The following FILIP1L variants were observed in gnomAD, a reference collection of about 807,000 sequenced individuals.
FILIP1L encodes filamin A interacting protein 1 like.
In FILIP1L, 55 loss-of-function variants were observed where a neutral mutation model predicts 96.6. The ratio of observed to expected loss-of-function variants is 0.57; its 90% CI spans 0.46 to 0.71. The LOEUF (loss-of-function observed/expected upper bound fraction) is 0.71, where lower values mean the gene tolerates loss of function less well. FILIP1L is among the 30% of genes least tolerant of loss of function. FILIP1L has a pLI of 0.00. For missense variants in FILIP1L, 1,304 were observed against 1,321.2 expected (o/e 0.99, Z 0.20); for synonymous variants, 467 against 473.9 (o/e 0.99, Z 0.19).
At chr3:99,851,570 A>T (rs1476608817) in intron 4 of FILIP1L, among the ~76,000 whole-genome samples, 1 of 152,250 alleles carries the variant, frequency 6.6e-6, no homozygotes, top group Non-Finnish European at 1.5e-5. Context: ...GCGGTAATTC[A>T]TCTAAGATTC....
intron 1 of FILIP1L, among the ~76,000 whole-genome samples, chr3:99,943,029 C>T (rs1292296535): frequency 3.3e-5 from 5 of 152,116 alleles, no homozygotes; most frequent in Non-Finnish European, 7.4e-5. Flanking sequence ...CTCATTTTAA[C>T]AACATTACCA....
rs115824987 is a variant in FILIP1L at position 99,875,948 on chromosome 3, G to T, written c.606-24878C>A. The T allele has an allele frequency of 5.0e-6, 3 of 605,646 alleles. No homozygotes were observed. The African/African-American group carries it at 6.0e-5, about 12-fold the overall frequency. 37.5% of individuals were successfully genotyped at this position (605,646 alleles called of 1,614,324 possible). A position where few individuals can be genotyped will look rare whatever the true frequency, so the allele number is the denominator to read the frequency against. On this transcript the variant is annotated intron_variant, in intron 4 of 5. Coordinates refer to ENST00000477258, the MANE Select transcript of FILIP1L (RefSeq NM_001387850.1). Reference sequence around the variant, plus strand: ...TTTGAACCTAGAATTCATTGGATGCGCTTTGCGAAACCTGTCTGCAGTTTG... The same window carrying T: ...TTTGAACCTAGAATTCATTGGATGCTCTTTGCGAAACCTGTCTGCAGTTTG...
chr3:100,044,780 A>C (rs1249442694), intron 1 of FILIP1L, among the ~76,000 whole-genome samples: 1 of 152,212 alleles, frequency 6.6e-6, no homozygotes, highest in African/African-American at 2.4e-5. Flanking sequence ...ACCAATGTGA[A>C]AAAGGCTGGT....
chr3:99,959,081 A>G (rs564842071), intron 1 of FILIP1L, among the ~76,000 whole-genome samples: 1 of 152,302 alleles, frequency 6.6e-6, no homozygotes, highest in South Asian at 2.1e-4. Context: ...ACACATCAGG[A>G]TATGATGGTA....
intron 1 of FILIP1L, among the ~76,000 whole-genome samples, chr3:100,081,488 A>C (rs531527527): frequency 3.3e-5 from 5 of 152,250 alleles, no homozygotes; most frequent in Non-Finnish European, 5.9e-5. Flanking sequence ...CTTATCTTCC[A>C]TGTATACTTA....
chr3:100,000,654 A>G (rs1001096200), intron 1 of FILIP1L, among the ~76,000 whole-genome samples: 3 of 152,236 alleles, frequency 2.0e-5, no homozygotes, highest in African/African-American at 4.8e-5. Flanking sequence ...GTTCAAGGCC[A>G]GAGTGAGCTA....
chr3:99,831,208 T>G (rs1344056031), intron 5 of FILIP1L, among the ~76,000 whole-genome samples: 1 of 152,224 alleles, frequency 6.6e-6, no homozygotes, highest in African/African-American at 2.4e-5. Flanking sequence ...ATAGTATAAT[T>G]ATGACAACAT....
chr3:99,986,349 G>A (rs1390238699), intron 1 of FILIP1L, among the ~76,000 whole-genome samples: 1 of 152,144 alleles, frequency 6.6e-6, no homozygotes. Flanking sequence ...ACATATCATT[G>A]TAAAATAAAG....
At chr3:99,936,122 G>A (rs1445159164) in intron 1 of FILIP1L, among the ~76,000 whole-genome samples, 1 of 152,082 alleles carries the variant, frequency 6.6e-6, no homozygotes, top group African/African-American at 2.4e-5. Context: ...AATTGTGGAT[G>A]TGACTAGAGG....
intron 1 of FILIP1L, among the ~76,000 whole-genome samples, chr3:99,989,684 AT>A (rs201683932): frequency 4.1e-4 from 24 of 58,388 alleles, no homozygotes; most frequent in African/African-American, 8.1e-4. Flanking sequence ...ATATATATAT[AT>A]TTTTTTTCTT....
intron 1 of FILIP1L, among the ~76,000 whole-genome samples, chr3:100,055,278 C>T (rs1346040272): frequency 6.6e-6 from 1 of 152,148 alleles, no homozygotes; most frequent in Non-Finnish European, 1.5e-5. Context: ...TCTTGCTTTC[C>T]TCAGTATCTT....
rs1297901551 is a variant in FILIP1L, at chr3:99,829,458, G to A, written c.*956C>T. On this transcript the variant is annotated 3_prime_UTR_variant, in exon 6 of 6. Transcript: ENST00000477258. Reference sequence around the variant, plus strand: ...GATGACTGTTTGAATTCAACATTTTGTATTAATAGTTGGGCATATTCATAG... The same window carrying A: ...GATGACTGTTTGAATTCAACATTTTATATTAATAGTTGGGCATATTCATAG... Among the ~76,000 whole-genome samples, 1 of 152,162 alleles carries A rather than the reference G, an allele frequency of 6.6e-6. No individual in the cohort carries two copies. Among genetic ancestry groups the A allele is most frequent in the African/African-American group, 2.4e-5 (1 of 41,434 alleles).
At chr3:100,017,050 A>G (rs1710365276) in intron 1 of FILIP1L, among the ~76,000 whole-genome samples, 2 of 152,226 alleles carry the variant, frequency 1.3e-5, no homozygotes, top group African/African-American at 4.8e-5. Flanking sequence ...CCAGTTTCTC[A>G]CATGTGTGTA....
At chr3:100,024,317 AT>A (rs2064879686) in intron 1 of FILIP1L, among the ~76,000 whole-genome samples, 1 of 152,132 alleles carries the variant, frequency 6.6e-6, no homozygotes, top group Non-Finnish European at 1.5e-5. Context: ...CATGTTAATT[AT>A]ACCTTAGTGA....
At position 99,850,695 on chromosome 3, in the gene FILIP1L, C is replaced by T. The variant is rs1394951047; in HGVS notation, c.981G>A (p.Leu327=). The part of the protein sequence containing the change: ...DSQNRQLQQK[L]AALSRQIDEL... ...CATCAATCTGCCGGCTGAGTGCTGC[C>T]AGCTTTTGTTGAAGCTGGCGATTTT... Residue 327 remains leucine (L), a synonymous_variant, in exon 5 of 6, where the codon CTG becomes CTA. Coordinates refer to ENST00000477258, the MANE Select transcript of FILIP1L (RefSeq NM_001387850.1). 1 of 1,614,132 alleles carries T rather than the reference C, an allele frequency of 6.2e-7. No individual in the cohort carries two copies. Among genetic ancestry groups the T allele is most frequent in the South Asian group, 1.1e-5 (1 of 91,066 alleles).
At chr3:99,978,146 T>C (rs1443148699) in intron 1 of FILIP1L, among the ~76,000 whole-genome samples, 1 of 152,226 alleles carries the variant, frequency 6.6e-6, no homozygotes, top group African/African-American at 2.4e-5. Context: ...ATTTAGAATT[T>C]ATAGACTAAG....
chr3:100,066,886 T>G (rs17314977), intron 1 of FILIP1L, among the ~76,000 whole-genome samples: 1,824 of 152,308 alleles, frequency 0.012, 23 homozygotes, highest in African/African-American at 0.027. Flanking sequence ...AGATTTTTAC[T>G]TGACCATACC....
intron 1 of FILIP1L, among the ~76,000 whole-genome samples, chr3:99,960,137 G>C (rs1239743101): frequency 1.3e-5 from 2 of 152,134 alleles, no homozygotes; most frequent in Non-Finnish European, 2.9e-5. Flanking sequence ...ATTAGTGGTA[G>C]CTCACAACCT....
chr3:100,083,442 G>T (rs956610235), intron 1 of FILIP1L, among the ~76,000 whole-genome samples: 2 of 152,172 alleles, frequency 1.3e-5, no homozygotes, highest in Non-Finnish European at 2.9e-5. Flanking sequence ...TAGGGGTGGA[G>T]CCCAGTGATC....
Sources: gnomAD v4.1 joint callset for allele counts (sites outside exome capture counted in the v4.1 genomes callset) on GRCh38, gnomAD v4.1.1 for gene constraint, MANE v1.5 for transcripts, NCBI Gene and HGNC (gene_info 2026-07-23, HGNC 2026-07-21) for gene names.